Variants in SCN4A observed in about 807,000 individuals in gnomAD.
SCN4A encodes sodium voltage-gated channel alpha subunit 4.
In SCN4A, 83 loss-of-function variants were observed where a neutral mutation model predicts 162.0. The ratio of observed to expected loss-of-function variants is 0.51; its 90% CI spans 0.43 to 0.61. SCN4A has a LOEUF of 0.61. SCN4A is among the 20% of genes least tolerant of loss of function. The probability of loss-of-function intolerance (pLI) is 0.00; values close to 1 mark genes in which losing one functional copy is unlikely to be tolerated. For synonymous variants in SCN4A, 944 were observed against 985.1 expected (o/e 0.96, Z 0.78); for missense variants, 2,196 against 2,462.5 (o/e 0.89, Z 2.29).
intron 10 of SCN4A, 123 bp from the exon 11 acceptor site, chr17:63,961,554 T>G: frequency 1.4e-6 from 1 of 697,550 alleles, no homozygotes; most frequent in Non-Finnish European, 2.5e-6. Context: ...CTCAACCCTC[T>G]AGCAAGGCCT....
rs1908555171 is a variant in SCN4A, at chr17:63,942,005, A to G, written c.4289-12T>C. The G allele has an allele frequency of 1.3e-6, 2 of 1,550,906 alleles. No homozygotes were observed. Among genetic ancestry groups the G allele is most frequent in the Non-Finnish European group, 1.7e-6 (2 of 1,146,086 alleles). On this transcript the variant is annotated splice_polypyrimidine_tract_variant and intron_variant, in intron 23 of 23. Transcript: ENST00000435607. Reference sequence around the variant, plus strand: ...AGAGAGGGCAAGGCCTGCGGGGAGAAGCTAGTGAGGACGCTGCCACTGGGG... The same window carrying G: ...AGAGAGGGCAAGGCCTGCGGGGAGAGGCTAGTGAGGACGCTGCCACTGGGG...
chr17:63,959,482 C>T, intron 11 of SCN4A, 44 bp from the exon 12 acceptor site: 1 of 1,588,374 alleles, frequency 6.3e-7, no homozygotes, highest in African/African-American at 1.3e-5. Flanking sequence ...TCGGGGAGCC[C>T]AGGGCCCTGG....
Position 63,970,061 on chromosome 17 carries a change from T to G in SCN4A, c.703+1101A>C, listed in dbSNP as rs1909568880. ...TCTCCAGTTTCTCCACATGCTCTTT[T>G]GCAGGTCTGAATGTTCGGATTCTAT... On this transcript the variant is annotated intron_variant, in intron 5 of 23. Transcript: ENST00000435607. Among the ~76,000 whole-genome samples, 3 of 152,202 alleles carry G rather than the reference T, an allele frequency of 2.0e-5. No individual in the cohort carries two copies. In the South Asian group the frequency reaches 6.2e-4, roughly 32 times the overall value.
rs781016013 is a variant in SCN4A at position 63,957,127 on chromosome 17, G to A, written c.2376+35C>T. The stretch of plus-strand genomic sequence containing the variant: ...CAGGTACATCTTGTACGCTTCCCGG[G>A]TGAGGGCAGGGGCCACCCAGCCAGC... On this transcript the variant is annotated intron_variant, in intron 13 of 23. Transcript: ENST00000435607. The A allele has an allele frequency of 5.6e-6, 8 of 1,419,130 alleles. No homozygotes were observed. In the East Asian group the frequency reaches 1.6e-4, roughly 29 times the overall value. The allele number at this position is 1,419,130 out of a possible 1,614,324, so 87.9% of individuals were successfully genotyped here.
Position 63,968,310 on chromosome 17 carries a change from A to G in SCN4A, c.749T>C (p.Leu250Pro), listed in dbSNP as rs1057521065. 1 of 1,610,404 alleles carries G rather than the reference A, an allele frequency of 6.2e-7. No homozygotes were observed. Among genetic ancestry groups the G allele is most frequent in the Admixed American group, 1.7e-5 (1 of 59,980 alleles). Residue 250 changes from leucine to proline, a missense_variant, in exon 6 of 24, where the codon CTG (leucine) becomes CCG (proline). By Grantham distance (98) the Leu-to-Pro change is moderately conservative. Coordinates refer to ENST00000435607, the MANE Select transcript of SCN4A (RefSeq NM_000334.4). ...VGALIQSVKK[L>P]SDVMILTVFC... ...GACAGTGAGGATCATCACATCCGAC[A>G]GCTTTTTCACCGACTGGATCAGGGC...
At position 63,945,464 on chromosome 17, in the gene SCN4A, T is replaced by C; in HGVS notation, c.3616A>G (p.Lys1206Glu). ...ERFDISEVNNKSECESLMHTG... is the reference protein window; with the variant it reads ...ERFDISEVNNESECESLMHTG... The stretch of plus-strand genomic sequence containing the variant: ...TGCATGAGGCTCTCGCACTCAGACT[T>C]GTTGTTGACCTCGGAGATGTCGAAC... Residue 1206 changes from lysine (K) to glutamate (E), a missense_variant, in exon 19 of 24, where the codon AAG (lysine) becomes GAG (glutamate). Transcript: ENST00000435607. This position sits in a 1 kb window ranked among gnomAD's most constrained non-coding sequence, Gnocchi z 4.4. The C allele has an allele frequency of 6.2e-7, 1 of 1,613,922 alleles. No individual in the cohort carries two copies. The highest frequency in any genetic ancestry group is 8.5e-7 in the Non-Finnish European group (1 of 1,179,854).
intron 14 of SCN4A, 199 bp from the exon 15 acceptor site, chr17:63,949,727 C>G: frequency 1.8e-6 from 1 of 571,426 alleles, no homozygotes; most frequent in Non-Finnish European, 3.0e-6. Flanking sequence ...GCCCGCATGA[C>G]ACTTATATAA....
chr17:63,952,134 A>G (rs1739305330), intron 13 of SCN4A, among the ~76,000 whole-genome samples: 1 of 151,930 alleles, frequency 6.6e-6, no homozygotes, highest in Non-Finnish European at 1.5e-5. Context: ...TACCCAGGGC[A>G]GAGGCAGGGT....
rs58426251 is a variant in SCN4A at position 63,961,026 on chromosome 17, AC to A, written c.1845+166del. Among the ~76,000 whole-genome samples, 8,577 of 104,502 alleles carry A rather than the reference AC, an allele frequency of 0.082. 653 individuals are homozygous for A. Among genetic ancestry groups the A allele is most frequent in the African/African-American group, 0.24 (6,668 of 27,818 alleles). 68.6% of individuals were successfully genotyped at this position (104,502 alleles called of 152,430 possible). The stretch of plus-strand genomic sequence containing the variant: ...CTGTGTGCCACAGATCACCCCAAGT[AC>A]CCCCCCCCACATCAACTCATGCCTC... On this transcript the variant is annotated intron_variant, in intron 11 of 23. Coordinates refer to ENST00000435607, the MANE Select transcript of SCN4A (RefSeq NM_000334.4).
chr17:63,943,626 G>T, intron 22 of SCN4A, 120 bp downstream of exon 22: 1 of 658,720 alleles, frequency 1.5e-6, no homozygotes. Flanking sequence ...CCTGGGGTGG[G>T]CCTAACCTCA....
intron 7 of SCN4A, 91 bp downstream of exon 7, chr17:63,966,390 A>G: frequency 7.0e-7 from 1 of 1,421,484 alleles, no homozygotes; most frequent in South Asian, 1.2e-5. Context: ...GTTTCCCTGC[A>G]CTCCCATGCC....
chr17:63,971,788 C>T lies in SCN4A; in HGVS notation c.545G>A (p.Cys182Tyr). 1 of 1,613,346 alleles carries T rather than the reference C, an allele frequency of 6.2e-7. No individual in the cohort carries two copies. Among genetic ancestry groups the T allele is most frequent in the Non-Finnish European group, 8.5e-7 (1 of 1,179,638 alleles). Residue 182 changes from cysteine (C) to tyrosine (Y), a missense_variant, in exon 4 of 24, where the codon TGT becomes TAT. Transcript: ENST00000435607. ...SLIKILARGF[C>Y]VDDFTFLRDP... is the part of the protein sequence containing the mutation. The stretch of plus-strand genomic sequence containing the variant: ...CCGGAGGAATGTGAAGTCGTCGACA[C>T]AGAAGCCTCGGGCCAGTATCTTGAT...
Position 63,951,549 on chromosome 17 carries a change from C to T in SCN4A, c.2728G>A (p.Asp910Asn). Residue 910 changes from aspartate to asparagine, a missense_variant, in exon 14 of 24, where the codon GAC becomes AAC. Asp to Asn is a conservative substitution (Grantham distance 23, BLOSUM62 1). Transcript: ENST00000435607. The surrounding 1 kb of genome is among the most constrained non-coding windows in gnomAD (Gnocchi z 4.5). ...ADGPPSSLELDHLNFINNPYL... is the reference protein window; with the variant it reads ...ADGPPSSLELNHLNFINNPYL... ...GGGTTGTTGATGAAGTTAAGGTGGT[C>T]CAGCTCGAGGCTGGATGGGGGGCCG... 6.2e-7 allele frequency: 1 copy of T among 1,614,008 alleles called. No individual in the cohort carries two copies. The highest frequency in any genetic ancestry group is 8.5e-7 in the Non-Finnish European group (1 of 1,179,894).
At chr17:63,949,950 C>T (rs1454597354) in intron 14 of SCN4A, among the ~76,000 whole-genome samples, 2 of 152,052 alleles carry the variant, frequency 1.3e-5, no homozygotes, top group African/African-American at 4.8e-5. Flanking sequence ...GCGTGTGGTG[C>T]CCCTAGCGTC....
chr17:63,955,977 C>T (rs1909060290), intron 13 of SCN4A, among the ~76,000 whole-genome samples: 1 of 152,254 alleles, frequency 6.6e-6, no homozygotes, highest in Non-Finnish European at 1.5e-5. Flanking sequence ...GCACCAGCCA[C>T]TGCAGGGGGC....
rs1207928149 is a variant in SCN4A, at chr17:63,944,956, G to C, written c.3774+51C>G. On this transcript the variant is annotated intron_variant, in intron 20 of 23. Coordinates refer to ENST00000435607, the MANE Select transcript of SCN4A (RefSeq NM_000334.4). The surrounding 1 kb of genome is among the most constrained non-coding windows in gnomAD (Gnocchi z 4.3). ...CTGCCAAGTCTCCCTCCTGTCTTGA[G>C]TCCTCTTCCCTGGCTCGCTCACCAG... is the stretch of plus-strand genomic sequence containing the variant. The C allele has an allele frequency of 3.1e-6, 5 of 1,603,586 alleles. No homozygotes were observed. Among genetic ancestry groups the C allele is most frequent in the South Asian group, 1.1e-5 (1 of 90,264 alleles).
At position 63,944,573 on chromosome 17, in the gene SCN4A, C is replaced by A. The variant is rs1017305036; in HGVS notation, c.3912+100G>T. ...GCCTGAACCAACAACCTGGTAGGTG[C>A]TCAGGCAGCGTTTGTGGGTTTGTGC... On this transcript the variant is annotated intron_variant, in intron 21 of 23. Transcript: ENST00000435607. This position sits in a 1 kb window ranked among gnomAD's most constrained non-coding sequence, Gnocchi z 4.3. The A allele has an allele frequency of 1.9e-5, 25 of 1,346,798 alleles. No individual in the cohort carries two copies. The highest frequency in any genetic ancestry group is 2.4e-5 in the Non-Finnish European group (24 of 984,976). The allele number at this position is 1,346,798 out of a possible 1,614,324, so 83.4% of individuals were successfully genotyped here. A position where few individuals can be genotyped will look rare whatever the true frequency, so the allele number is the denominator to read the frequency against.
intron 23 of SCN4A, among the ~76,000 whole-genome samples, chr17:63,942,546 A>G (rs1222961008): frequency 6.6e-6 from 1 of 152,268 alleles, no homozygotes; most frequent in Non-Finnish European, 1.5e-5. Flanking sequence ...GCACACAGAC[A>G]TGGAACCATC....
At chr17:63,948,144 G>T (rs1480967093) in intron 16 of SCN4A, 81 bp from the exon 17 acceptor site, 3 of 1,206,736 alleles carry the variant, frequency 2.5e-6, no homozygotes, top group Middle Eastern at 2.5e-4. Flanking sequence ...GCTCTATGCT[G>T]CTGGTTCCCG....
Sources: allele counts gnomAD v4.1 joint callset (sites outside exome capture counted in the v4.1 genomes callset), GRCh38; gene constraint gnomAD v4.1.1; non-coding constraint Gnocchi (gnomAD v3.1); transcripts MANE v1.5; gene names NCBI Gene and HGNC (gene_info 2026-07-23, HGNC 2026-07-21).